Variants in EXD1 observed in about 807,000 individuals in gnomAD.
The protein encoded by EXD1 is piRNA biogenesis protein EXD1.
EXD1 carries 63 observed loss-of-function variants against 49.1 expected under a neutral mutation model. That is an observed-to-expected ratio of 1.28 (90% CI 1.05 to 1.58). The LOEUF is 1.58. Ranked by LOEUF, EXD1 falls within the 40% of genes most tolerant of loss-of-function variation. The pLI is 0.00. For synonymous variants in EXD1, 234 were observed against 239.2 expected, an observed-to-expected ratio of 0.98 and a Z score of 0.20; for missense variants, 748 against 666.0, an observed-to-expected ratio of 1.12 and a Z score of -1.36.
chr15:41,229,264 G>A (rs917924201), intron 1 of EXD1, among the ~76,000 whole-genome samples: 2 of 152,198 alleles, frequency 1.3e-5, no homozygotes, highest in Non-Finnish European at 2.9e-5. Context: ...GATCACCTGA[G>A]TTCTGGAGTT....
chr15:41,195,866 A>T lies in EXD1; in HGVS notation c.640-11T>A. 6.2e-7 allele frequency: 1 copy of T among 1,613,046 alleles called. No homozygotes were observed. Among genetic ancestry groups the T allele is most frequent in the Non-Finnish European group, 8.5e-7 (1 of 1,179,684 alleles). On this transcript the variant is annotated splice_polypyrimidine_tract_variant and intron_variant, in intron 8 of 11. Transcript: ENST00000458580. Reference sequence around the variant, plus strand: ...ACAATCATGGATAACCTAAGGAATCAGAAGGAAACAGTCATTAGAACCTGG... The same window carrying T: ...ACAATCATGGATAACCTAAGGAATCTGAAGGAAACAGTCATTAGAACCTGG...
At chr15:41,185,847 A>G (rs1313967960) in intron 11 of EXD1, among the ~76,000 whole-genome samples, 3 of 152,084 alleles carry the variant, frequency 2.0e-5, no homozygotes, top group African/African-American at 4.8e-5. Flanking sequence ...AGCTGCTTGT[A>G]TGGATATCAA....
Position 41,219,834 on chromosome 15 carries a change from C to T in EXD1, c.198G>A (p.Val66=), listed in dbSNP as rs1230887162. 10 of 1,535,320 alleles carry T rather than the reference C, an allele frequency of 6.5e-6. No homozygotes were observed. Among genetic ancestry groups the T allele is most frequent in the East Asian group, 2.4e-5 (1 of 40,894 alleles). Residue 66 remains valine (V), a synonymous_variant, in exon 3 of 12, where the codon GTG becomes GTA. Coordinates refer to ENST00000458580, the MANE Select transcript of EXD1 (RefSeq NM_001286441.2). ...GVKLFFGHEI[V]NVELLDEVEQ... ...CAAGGAACATGGGGGTCTCACCATTCACAATCTCATGCCCAAAAAACAACT... is the reference window on the plus strand; with the variant it reads ...CAAGGAACATGGGGGTCTCACCATTTACAATCTCATGCCCAAAAAACAACT...
At chr15:41,186,894 C>CTT (rs374021562) in intron 11 of EXD1, among the ~76,000 whole-genome samples, 20 of 127,110 alleles carry the variant, frequency 1.6e-4, no homozygotes, top group Middle Eastern at 4.1e-3. Context: ...TTTTTTTTTT[C>CTT]TTTTTTTTTT....
At chr15:41,190,725 A>C (rs1043871862) in intron 10 of EXD1, among the ~76,000 whole-genome samples, 1 of 152,146 alleles carries the variant, frequency 6.6e-6, no homozygotes, top group Admixed American at 6.6e-5. Context: ...ACAGAATTGC[A>C]GCCAATACAA....
chr15:41,201,664 A>G (rs971881436), intron 7 of EXD1, among the ~76,000 whole-genome samples: 1 of 151,490 alleles, frequency 6.6e-6, no homozygotes, highest in African/African-American at 2.4e-5. Flanking sequence ...TATTTTTCAT[A>G]TTTTTAGTAG....
At chr15:41,214,891 G>A (rs903433058) in intron 6 of EXD1, among the ~76,000 whole-genome samples, 6 of 151,960 alleles carry the variant, frequency 3.9e-5, no homozygotes, top group South Asian at 2.1e-4. Flanking sequence ...GACTACAGGC[G>A]CCTGCCAGCA....
intron 3 of EXD1, chr15:41,219,358 AC>A (rs2047052502): frequency 6.6e-6 from 1 of 152,314 alleles, no homozygotes; most frequent in African/African-American, 2.4e-5. Flanking sequence ...ACTTAGTATG[AC>A]TGTCCACCCA....
chr15:41,205,361 A>G (rs1158552084), intron 7 of EXD1, among the ~76,000 whole-genome samples: 1 of 152,146 alleles, frequency 6.6e-6, no homozygotes, highest in Non-Finnish European at 1.5e-5. Flanking sequence ...TTGTTTTTTG[A>G]GACAGGGTCT....
At chr15:41,198,700 TA>T (rs147985730) in intron 7 of EXD1, among the ~76,000 whole-genome samples, 5 of 149,168 alleles carry the variant, frequency 3.4e-5, no homozygotes, top group South Asian at 2.1e-4. Flanking sequence ...ATTTTTTAAT[TA>T]AAAAAAATTT....
At chr15:41,200,641 T>C (rs1240762730) in intron 7 of EXD1, among the ~76,000 whole-genome samples, 2 of 152,094 alleles carry the variant, frequency 1.3e-5, no homozygotes, top group East Asian at 1.9e-4. Context: ...CTCCAACTTA[T>C]AGTTGGTTGG....
rs865883311 is a variant in EXD1 at position 41,184,040 on chromosome 15, G to A, written c.1610C>T (p.Pro537Leu). The change falls in exon 12 of 12, where the codon CCA (proline) becomes CTA (leucine). Residue 537 changes from proline to leucine, a missense_variant. Coordinates refer to ENST00000458580, the MANE Select transcript of EXD1 (RefSeq NM_001286441.2). ...SSFPQETRVS[P>L]SDTFYPIRKT... ...TCTGATAGGATAAAAAGTGTCACTT[G>A]GAGACACTCTGGTTTCCTGAGGAAA... 6.2e-7 allele frequency: 1 copy of A among 1,613,998 alleles called. No individual in the cohort carries two copies. The highest frequency in any genetic ancestry group is 8.5e-7 in the Non-Finnish European group (1 of 1,179,994).
rs2140787286 is a variant in EXD1, at chr15:41,184,329, C to A, written c.1321G>T (p.Glu441Ter). ...TTTGTAGCTTGTTTATTCAAAGATT[C>A]TTCTTTCAGTAAATTCACATCCCCG... is the stretch of plus-strand genomic sequence containing the variant. ...FHGDVNLLKEESLNKQATNPQ... is the reference protein window; with the variant it reads ...FHGDVNLLKE Residue 441 changes from glutamate to a stop codon, truncating the protein, a stop_gained, in exon 12 of 12, where the codon GAA becomes TAA. Transcript: ENST00000458580. LOFTEE classifies it low-confidence loss of function (END_TRUNC). 5 of 1,614,206 alleles carry A rather than the reference C, an allele frequency of 3.1e-6. No individual in the cohort carries two copies. Among genetic ancestry groups the A allele is most frequent in the Non-Finnish European group, 4.2e-6 (5 of 1,180,028 alleles).
intron 11 of EXD1, among the ~76,000 whole-genome samples, chr15:41,186,403 T>C (rs497076): frequency 0.75 from 111,004 of 147,490 alleles, 41,771 homozygotes; most frequent in East Asian, 0.99. Flanking sequence ...ACTCAGGAGG[T>C]GGAGGTTGCA....
At chr15:41,211,449 C>T (rs576543925) in intron 6 of EXD1, among the ~76,000 whole-genome samples, 7 of 151,758 alleles carry the variant, frequency 4.6e-5, no homozygotes, top group South Asian at 2.1e-4. Context: ...ATTGTTGTCA[C>T]GGACACTTTA....
chr15:41,196,732 A>G (rs768005041), intron 7 of EXD1, among the ~76,000 whole-genome samples: 1 of 149,444 alleles, frequency 6.7e-6, no homozygotes, highest in Non-Finnish European at 1.5e-5. Context: ...CACCTGGCCA[A>G]TTTTTTTTAT....
chr15:41,221,801 A>G (rs1377496797), intron 2 of EXD1, among the ~76,000 whole-genome samples: 1 of 151,754 alleles, frequency 6.6e-6, no homozygotes, highest in Non-Finnish European at 1.5e-5. Flanking sequence ...CATATTTTCA[A>G]CTAAGAACAG....
intron 9 of EXD1, among the ~76,000 whole-genome samples, chr15:41,192,971 T>C (rs2046552449): frequency 6.6e-6 from 1 of 151,842 alleles, no homozygotes; most frequent in Non-Finnish European, 1.5e-5. Context: ...TAATTTTTTG[T>C]ATTTTTAGTA....
chr15:41,213,163 A>G (rs1216279888), intron 6 of EXD1, among the ~76,000 whole-genome samples: 1 of 152,166 alleles, frequency 6.6e-6, no homozygotes, highest in African/African-American at 2.4e-5. Flanking sequence ...AGCCTGTCAA[A>G]AAAACTACAT....
Sources: gnomAD v4.1 joint callset for allele counts (sites outside exome capture counted in the v4.1 genomes callset) on GRCh38, gnomAD v4.1.1 for gene constraint, MANE v1.5 for transcripts, NCBI Gene and HGNC (gene_info 2026-07-23, HGNC 2026-07-21) for gene names.